The following NREP variants were observed in gnomAD, a reference collection of about 807,000 sequenced individuals.
NREP encodes neuronal regeneration-related protein.
In NREP, 5 loss-of-function variants were observed where a neutral mutation model predicts 8.6. The ratio of observed to expected loss-of-function variants is 0.58; its 90% confidence interval spans 0.30 to 1.22. The LOEUF is 1.22. Ranked by LOEUF, NREP falls within the 50% of genes most tolerant of loss-of-function variation. The probability of loss-of-function intolerance (pLI) is 0.07; values close to 1 mark genes in which losing one functional copy is unlikely to be tolerated. For missense variants in NREP, 86 were observed against 82.5 expected, an observed-to-expected ratio of 1.04 and a Z score of -0.17; for synonymous variants, 27 against 28.0, an observed-to-expected ratio of 0.96 and a Z score of 0.11.
chr5:111,869,041 A>C (rs1033634394), intron 2 of NREP, among the ~76,000 whole-genome samples: 2 of 152,226 alleles, frequency 1.3e-5, no homozygotes, highest in Non-Finnish European at 2.9e-5. Flanking sequence ...TAGAACACGC[A>C]TGCTCACTTA....
intron 2 of NREP, among the ~76,000 whole-genome samples, chr5:111,902,547 AGTG>A (rs1296236121): frequency 6.6e-6 from 1 of 152,198 alleles, no homozygotes; most frequent in East Asian, 1.9e-4. Flanking sequence ...GGTAGAAAGA[AGTG>A]GTCCAAAGTT....
chr5:111,922,631 T>G (rs1755276876), intron 2 of NREP, among the ~76,000 whole-genome samples: 2 of 152,186 alleles, frequency 1.3e-5, no homozygotes, highest in South Asian at 4.1e-4. Context: ...CCTGCTTGAC[T>G]GTTTTTAGTA....
chr5:111,906,689 G>A (rs1754786825), intron 2 of NREP, among the ~76,000 whole-genome samples: 1 of 151,962 alleles, frequency 6.6e-6, no homozygotes, highest in Non-Finnish European at 1.5e-5. Context: ...ACTTATTACA[G>A]CATTTTGGAT....
At chr5:111,932,655 A>G (rs952907540) in intron 2 of NREP, among the ~76,000 whole-genome samples, 1 of 152,084 alleles carries the variant, frequency 6.6e-6, no homozygotes, top group Admixed American at 6.6e-5. Context: ...AAAATGTTTC[A>G]TCTGAAACAT....
intron 1 of NREP, chr5:111,756,250 G>A (rs1234198604): frequency 6.8e-5 from 66 of 969,264 alleles, no homozygotes; most frequent in African/African-American, 7.6e-5. Flanking sequence ...ATGCCTCAGA[G>A]TGGATATTTT....
intron 2 of NREP, among the ~76,000 whole-genome samples, chr5:111,844,792 G>A (rs1395886423): frequency 6.7e-6 from 1 of 150,038 alleles, no homozygotes; most frequent in Non-Finnish European, 1.5e-5. Flanking sequence ...TGTTTCTGGA[G>A]ATAAAATACC....
At chr5:111,906,894 T>G (rs1490847194) in intron 2 of NREP, among the ~76,000 whole-genome samples, 1 of 152,024 alleles carries the variant, frequency 6.6e-6, no homozygotes, top group Admixed American at 6.6e-5. Context: ...ATTCTTTCTA[T>G]AGTTTGTTTT....
chr5:111,755,831 C>G lies in NREP; in HGVS notation c.-58-1G>C. On this transcript the variant is annotated splice_acceptor_variant, in intron 1 of 3. Transcript: ENST00000257435. LOFTEE classifies it low-confidence loss of function (5UTR_SPLICE). ...CTCTCTTCAGTCCAGGGAGACCAAC[C>G]TGCAAAATATGTTTAAATACAGTAG... The G allele has an allele frequency of 1.2e-6, 2 of 1,613,682 alleles. No homozygotes were observed. Among genetic ancestry groups the G allele is most frequent in the Non-Finnish European group, 8.5e-7 (1 of 1,179,676 alleles).
chr5:111,880,511 CTG>C (rs771351502), intron 2 of NREP, among the ~76,000 whole-genome samples: 12 of 152,082 alleles, frequency 7.9e-5, no homozygotes, highest in Non-Finnish European at 1.2e-4. Flanking sequence ...GTCCTTCTGT[CTG>C]TGCATTTTTC....
chr5:111,766,730 G>GTCAGTTCACTGATTTC (rs1421572647), intron 2 of NREP, among the ~76,000 whole-genome samples: 1 of 152,120 alleles, frequency 6.6e-6, no homozygotes, highest in Non-Finnish European at 1.5e-5. Flanking sequence ...GGTTCAGATT[G>GTCAGTTCACTGATTTC]TCAGTTCACT....
At chr5:111,962,387 C>T (rs1406620248) in intron 2 of NREP, among the ~76,000 whole-genome samples, 1 of 152,050 alleles carries the variant, frequency 6.6e-6, no homozygotes, top group Non-Finnish European at 1.5e-5. Flanking sequence ...AACCCCCATT[C>T]ATCTACAAAA....
At chr5:111,876,547 G>GT (rs1753914229) in intron 2 of NREP, among the ~76,000 whole-genome samples, 1 of 152,234 alleles carries the variant, frequency 6.6e-6, no homozygotes, top group South Asian at 2.1e-4. Context: ...ATAGGATTCT[G>GT]AATTCTTGAA....
chr5:111,835,152 C>T (rs1054960510), intron 2 of NREP, among the ~76,000 whole-genome samples: 1 of 152,180 alleles, frequency 6.6e-6, no homozygotes, highest in Non-Finnish European at 1.5e-5. Flanking sequence ...CAATACATGA[C>T]ACAACTTTGC....
chr5:111,913,246 A>C (rs2112566063), intron 2 of NREP, among the ~76,000 whole-genome samples: 1 of 152,252 alleles, frequency 6.6e-6, no homozygotes, highest in East Asian at 1.9e-4. Context: ...TTCAAATTCT[A>C]AATTCTTTTA....
At chr5:111,974,502 A>G (rs570948743) in intron 2 of NREP, 1 of 152,228 alleles carries the variant, frequency 6.6e-6, no homozygotes, top group Non-Finnish European at 1.5e-5. Context: ...AAGAAAATAG[A>G]AAAGGTATTC....
At chr5:111,954,188 G>A (rs972633798) in intron 2 of NREP, among the ~76,000 whole-genome samples, 1 of 152,064 alleles carries the variant, frequency 6.6e-6, no homozygotes, top group African/African-American at 2.4e-5. Context: ...GATGTCATGT[G>A]ATCATCTTCA....
intron 2 of NREP, among the ~76,000 whole-genome samples, chr5:111,782,903 T>A (rs10060877): frequency 0.18 from 26,775 of 151,882 alleles, 2,444 homozygotes; most frequent in Admixed American, 0.25. Context: ...CCCGGCTAAT[T>A]TTTGTATTTA....
intron 2 of NREP, among the ~76,000 whole-genome samples, chr5:111,963,896 T>G (rs1305722263): frequency 6.6e-6 from 1 of 152,194 alleles, no homozygotes; most frequent in African/African-American, 2.4e-5. Context: ...ACTGCCTGTG[T>G]TGGTAAGGAC....
At chr5:111,793,319 C>T (rs551732728) in intron 2 of NREP, among the ~76,000 whole-genome samples, 29 of 152,032 alleles carry the variant, frequency 1.9e-4, no homozygotes, top group South Asian at 8.3e-4. Context: ...AGCTGGAGAA[C>T]GAGGAAAGCT....
Sources: allele counts gnomAD v4.1 joint callset (sites outside exome capture counted in the v4.1 genomes callset), GRCh38; gene constraint gnomAD v4.1.1; transcripts MANE v1.5; gene names NCBI Gene and HGNC (gene_info 2026-07-23, HGNC 2026-07-21).